The following IFRD1 variants were observed in gnomAD, a reference collection of about 807,000 sequenced individuals.
The protein encoded by IFRD1 is interferon related developmental regulator 1, also known as interferon-related developmental regulator 1.
A neutral mutation model predicts 52.9 loss-of-function variants in IFRD1; 35 were observed. The ratio of observed to expected loss-of-function variants is 0.66; its 90% CI spans 0.51 to 0.88. The LOEUF (loss-of-function observed/expected upper bound fraction) is 0.88. IFRD1 is among the 40% of genes least tolerant of loss of function. The pLI is 0.00. For synonymous variants in IFRD1, 184 were observed against 188.4 expected (o/e 0.98, Z 0.19); for missense variants, 517 against 550.8 (o/e 0.94, Z 0.61).
chr7:112,436,007 C>T (rs1794680866), intron 1 of IFRD1, among the ~76,000 whole-genome samples: 1 of 151,790 alleles, frequency 6.6e-6, no homozygotes, highest in Non-Finnish European at 1.5e-5. Context: ...CTCAGCCTCC[C>T]AAGTAGCTGG....
chr7:112,451,104 G>T, intron 1 of IFRD1: 1 of 318,254 alleles, frequency 3.1e-6, no homozygotes, highest in Non-Finnish European at 6.0e-6. Context: ...TTCCTTTCTC[G>T]GCGGCGATCT....
chr7:112,474,964 A>ATT (rs35849906), intron 11 of IFRD1, among the ~76,000 whole-genome samples: 9,328 of 150,732 alleles, frequency 0.062, 319 homozygotes, highest in South Asian at 0.095. Context: ...CTCTTTATTT[A>ATT]TTTATTTTTT....
intron 5 of IFRD1, among the ~76,000 whole-genome samples, chr7:112,459,478 GGTGGTCTTA>G (rs1795378974): frequency 6.6e-6 from 1 of 151,288 alleles, no homozygotes; most frequent in South Asian, 2.1e-4. Flanking sequence ...AAGACACTGA[GGTGGTCTTA>G]GTGGATTTGG....
intron 1 of IFRD1, among the ~76,000 whole-genome samples, chr7:112,424,766 G>C (rs1185549177): frequency 6.6e-6 from 1 of 152,114 alleles, no homozygotes; most frequent in Admixed American, 6.5e-5. Flanking sequence ...TGACCCACTG[G>C]TAGTTCAGGA....
chr7:112,445,345 T>A lies in IFRD1; in HGVS notation c.-181-5163T>A, dbSNP rs3109109. Reference sequence around the variant, plus strand: ...CCTCCCAGAGTGCTAGGATTACAGGTGTGAGTTACCCCGCCCGGCCGGCCT... The same window carrying A: ...CCTCCCAGAGTGCTAGGATTACAGGAGTGAGTTACCCCGCCCGGCCGGCCT... On this transcript the variant is annotated intron_variant, in intron 1 of 12. Transcript: ENST00000005558. Among the ~76,000 whole-genome samples, 4 of 152,054 alleles carry A rather than the reference T, an allele frequency of 2.6e-5. 1 individual carries two copies. The East Asian group carries it at 5.8e-4, about 22-fold the overall frequency.
upstream of IFRD1, among the ~76,000 whole-genome samples, chr7:112,448,312 A>G (rs1795074485): frequency 6.6e-6 from 1 of 152,202 alleles, no homozygotes; most frequent in Non-Finnish European, 1.5e-5. Context: ...GACTAAGTGG[A>G]TGTGAAGGGA....
chr7:112,449,835 G>GGA (rs1795107582), upstream of IFRD1, among the ~76,000 whole-genome samples: 1 of 147,192 alleles, frequency 6.8e-6, no homozygotes, highest in Non-Finnish European at 1.5e-5. Context: ...TTGGGGGGGG[G>GGA]GGGGGATGGG....
upstream of IFRD1, among the ~76,000 whole-genome samples, chr7:112,446,893 C>T (rs1795043720): frequency 2.0e-5 from 3 of 152,014 alleles, no homozygotes; most frequent in Admixed American, 2.0e-4. Flanking sequence ...CAGAGACCTG[C>T]TAAGAGTTTG....
chr7:112,431,594 A>G (rs1794548988), intron 1 of IFRD1, among the ~76,000 whole-genome samples: 1 of 152,132 alleles, frequency 6.6e-6, no homozygotes, highest in South Asian at 2.1e-4. Flanking sequence ...TCCTATTGCA[A>G]TACTGGGAGG....
Position 112,472,295 on chromosome 7 carries a change from C to A in IFRD1, c.1118C>A (p.Thr373Asn). Residue 373 changes from threonine to asparagine, a missense_variant, in exon 10 of 12, where the codon ACC becomes AAC. Thr to Asn is a moderately conservative substitution (Grantham distance 65). Coordinates refer to ENST00000403825, the MANE Select transcript of IFRD1 (RefSeq NM_001550.4). ...ATTGATTGCTGGGTAAAAAAACACA[C>A]CTATGACACCTTTAAGGAGGTTCTT... is the stretch of plus-strand genomic sequence containing the variant. ...MYIDCWVKKH[T>N]YDTFKEVLGS... The A allele has an allele frequency of 1.9e-6, 3 of 1,613,936 alleles. No homozygotes were observed. The highest frequency in any genetic ancestry group is 1.1e-5 in the South Asian group (1 of 91,084).
chr7:112,472,722 T>C, intron 10 of IFRD1, 44 bp from the exon 11 acceptor site: 1 of 1,151,324 alleles, frequency 8.7e-7, no homozygotes, highest in Non-Finnish European at 1.3e-6. Context: ...AAAAGAGCTA[T>C]AATGTTTAAT....
Position 112,450,657 on chromosome 7 carries a change from C to G in IFRD1, c.-32C>G. On this transcript the variant is annotated 5_prime_UTR_variant, in exon 1 of 12. Coordinates refer to ENST00000403825, the MANE Select transcript of IFRD1 (RefSeq NM_001550.4). ...GCTCCATCGGCTGATCCTCGCTAAG[C>G]TCCGACTCTGGGCGGCACCGGGCGT... is the stretch of plus-strand genomic sequence containing the variant. The G allele has an allele frequency of 3.2e-6, 5 of 1,571,200 alleles. No individual in the cohort carries two copies. Among genetic ancestry groups the G allele is most frequent in the Middle Eastern group, 1.7e-4 (1 of 5,976 alleles).
upstream of IFRD1, among the ~76,000 whole-genome samples, chr7:112,445,679 G>A (rs1795012137): frequency 1.3e-5 from 2 of 152,204 alleles, no homozygotes; most frequent in Admixed American, 1.3e-4. Context: ...GGGCCACTAT[G>A]TACAGATGTA....
intron 1 of IFRD1, among the ~76,000 whole-genome samples, chr7:112,432,767 A>C (rs991158748): frequency 6.6e-6 from 1 of 152,230 alleles, no homozygotes; most frequent in Non-Finnish European, 1.5e-5. Flanking sequence ...TCCAAAGGCC[A>C]AGCACTGTAG....
At chr7:112,455,906 A>G in intron 2 of IFRD1, 39 bp downstream of exon 2, 1 of 1,507,726 alleles carries the variant, frequency 6.6e-7, no homozygotes, top group Non-Finnish European at 9.2e-7. Flanking sequence ...TTTAGATAAA[A>G]TGTTTCAGGT....
intron 1 of IFRD1, among the ~76,000 whole-genome samples, chr7:112,443,784 C>T (rs1794952951): frequency 6.6e-6 from 1 of 151,444 alleles, no homozygotes; most frequent in Admixed American, 6.6e-5. Context: ...ATTGCTTGAA[C>T]CCGGGAGGTG....
chr7:112,470,540 C>T (rs190997061), intron 9 of IFRD1, among the ~76,000 whole-genome samples: 3 of 152,100 alleles, frequency 2.0e-5, no homozygotes, highest in Admixed American at 6.5e-5. Context: ...TGCCAGATTG[C>T]GGGAAGGTTT....
At chr7:112,460,887 G>A (rs1317730718) in intron 5 of IFRD1, among the ~76,000 whole-genome samples, 4 of 152,086 alleles carry the variant, frequency 2.6e-5, no homozygotes, top group Non-Finnish European at 4.4e-5. Context: ...AAGGGGAAAT[G>A]GAGAATAATA....
At chr7:112,467,949 A>G in intron 8 of IFRD1, 32 bp from the exon 9 acceptor site, 4 of 1,607,184 alleles carry the variant, frequency 2.5e-6, no homozygotes, top group Admixed American at 1.7e-5. Context: ...AAAAATAATA[A>G]TAAAGGAAAC....
Sources: allele counts gnomAD v4.1 joint callset (sites outside exome capture counted in the v4.1 genomes callset), GRCh38; gene constraint gnomAD v4.1.1; transcripts MANE v1.5; gene names NCBI Gene and HGNC (gene_info 2026-07-23, HGNC 2026-07-21).